Variants in RAB3GAP2 observed in about 807,000 individuals in gnomAD.
RAB3GAP2 encodes rab3 GTPase-activating protein non-catalytic subunit.
RAB3GAP2 carries 87 observed loss-of-function variants against 185.3 expected under a neutral mutation model. The ratio of observed to expected loss-of-function variants is 0.47; its 90% CI spans 0.39 to 0.56. RAB3GAP2 has a LOEUF of 0.56. Ranked by LOEUF, RAB3GAP2 falls within the 20% of genes least tolerant of loss-of-function variation. The probability of loss-of-function intolerance (pLI) is 0.00; values close to 1 mark genes in which losing one functional copy is unlikely to be tolerated. For missense variants in RAB3GAP2, 1,492 were observed against 1,638.2 expected (o/e 0.91, Z 1.54); for synonymous variants, 554 against 576.1 (o/e 0.96, Z 0.55).
At chr1:220,260,619 C>G (rs1285446307) in intron 1 of RAB3GAP2, among the ~76,000 whole-genome samples, 3 of 151,928 alleles carry the variant, frequency 2.0e-5, no homozygotes, top group Non-Finnish European at 4.4e-5. Flanking sequence ...GGGAGAACAT[C>G]AGGAAGAATA....
At chr1:220,174,347 A>T (rs1419351857) in intron 21 of RAB3GAP2, among the ~76,000 whole-genome samples, 1 of 152,062 alleles carries the variant, frequency 6.6e-6, no homozygotes, top group Non-Finnish European at 1.5e-5. Context: ...GCCTCCTCAT[A>T]CCAGCTCCCT....
chr1:220,163,740 C>CATATATATATAT (rs1274317823), intron 27 of RAB3GAP2, among the ~76,000 whole-genome samples: 63 of 90,102 alleles, frequency 7.0e-4, no homozygotes, highest in South Asian at 8.1e-4. Flanking sequence ...TATATAAATA[C>CATATATATATAT]ATACATATAT....
chr1:220,267,618 T>C lies in RAB3GAP2; in HGVS notation c.115+4605A>G, dbSNP rs897939214. 1.9e-5 allele frequency: 26 copies of C among 1,388,848 alleles called. No individual in the cohort carries two copies. In the Admixed American group the frequency reaches 4.4e-4, roughly 23 times the overall value. The allele number at this position is 1,388,848 out of a possible 1,614,324, so 86.0% of individuals were successfully genotyped here. ...ATTTTCAGGTGCCGACAGCGGGGAC[T>C]GCTTGCTGTTTTGGGTGTTATTCAG... is the stretch of plus-strand genomic sequence containing the variant. On this transcript the variant is annotated intron_variant, in intron 1 of 34. Transcript: ENST00000358951.
At chr1:220,190,043 T>C (rs750682187) in intron 16 of RAB3GAP2, 21 bp downstream of exon 16, 19 of 1,542,364 alleles carry the variant, frequency 1.2e-5, no homozygotes, top group Non-Finnish European at 1.6e-5. Flanking sequence ...TGCTTTATTA[T>C]TTGTATGAGA....
chr1:220,212,685 G>A (rs1440171656), intron 4 of RAB3GAP2, among the ~76,000 whole-genome samples: 1 of 152,098 alleles, frequency 6.6e-6, no homozygotes, highest in Non-Finnish European at 1.5e-5. Context: ...TAAAGACAGA[G>A]TCTTACTATG....
intron 1 of RAB3GAP2, among the ~76,000 whole-genome samples, chr1:220,234,880 T>C (rs1345559980): frequency 3.3e-5 from 5 of 152,246 alleles, no homozygotes. Flanking sequence ...GCAATGTATA[T>C]GACGACTAAC....
At chr1:220,239,232 T>G (rs993733632) in intron 1 of RAB3GAP2, among the ~76,000 whole-genome samples, 1 of 152,196 alleles carries the variant, frequency 6.6e-6, no homozygotes, top group Non-Finnish European at 1.5e-5. Flanking sequence ...AACTTTTTTT[T>G]TGTGGGGCTC....
intron 27 of RAB3GAP2, among the ~76,000 whole-genome samples, chr1:220,163,783 T>C (rs1398652634): frequency 7.8e-6 from 1 of 128,394 alleles, no homozygotes; most frequent in Non-Finnish European, 1.6e-5. Context: ...AGGATGAAGG[T>C]AAGATCTAAG....
intron 1 of RAB3GAP2, among the ~76,000 whole-genome samples, chr1:220,243,213 G>A (rs1414266707): frequency 1.3e-5 from 2 of 152,022 alleles, no homozygotes; most frequent in Non-Finnish European, 2.9e-5. Context: ...AATTAGCCGG[G>A]TGTGGTGGCA....
chr1:220,210,354 A>T, intron 7 of RAB3GAP2, 34 bp downstream of exon 7: 1 of 1,471,752 alleles, frequency 6.8e-7, no homozygotes, highest in Non-Finnish European at 9.5e-7. Flanking sequence ...AAATAATGCC[A>T]CTGTTACTGT....
At chr1:220,266,367 G>A in intron 1 of RAB3GAP2, 1 of 411,734 alleles carries the variant, frequency 2.4e-6, no homozygotes. Context: ...AGCACAAAGT[G>A]GTCACTTTCC....
intron 7 of RAB3GAP2, among the ~76,000 whole-genome samples, chr1:220,209,328 T>C (rs969928788): frequency 1.3e-5 from 2 of 152,224 alleles, no homozygotes; most frequent in Non-Finnish European, 2.9e-5. Flanking sequence ...TAAGTTTCTT[T>C]GTTGTTGCAT....
intron 2 of RAB3GAP2, among the ~76,000 whole-genome samples, chr1:220,215,878 TA>T (rs1165842959): frequency 6.6e-6 from 1 of 152,070 alleles, no homozygotes; most frequent in Non-Finnish European, 1.5e-5. Flanking sequence ...TTTCCTTTTA[TA>T]AAAAAATTAT....
chr1:220,200,669 C>T (rs1428314489), intron 9 of RAB3GAP2: 1 of 509,146 alleles, frequency 2.0e-6, no homozygotes, highest in Admixed American at 2.1e-5. Flanking sequence ...GAACTTAACA[C>T]TTTGGAATTT....
At chr1:220,272,198 A>G (rs1258733280) in intron 1 of RAB3GAP2, 25 bp downstream of exon 1, 2 of 1,564,802 alleles carry the variant, frequency 1.3e-6, no homozygotes, top group Non-Finnish European at 1.7e-6. Flanking sequence ...GAGGGAAGGA[A>G]GGGCGAGGCC....
chr1:220,154,197 A>C, intron 31 of RAB3GAP2, 140 bp from the exon 32 acceptor site: 2 of 1,254,556 alleles, frequency 1.6e-6, no homozygotes, highest in Non-Finnish European at 2.1e-6. Context: ...AATAATTTTT[A>C]TAACAATTAT....
At chr1:220,232,406 C>T (rs1472677266) in intron 2 of RAB3GAP2, among the ~76,000 whole-genome samples, 2 of 152,028 alleles carry the variant, frequency 1.3e-5, no homozygotes, top group Admixed American at 1.3e-4. Context: ...GAGTATTGGC[C>T]CATGTTTTCT....
chr1:220,222,801 C>A (rs1361872142), intron 2 of RAB3GAP2, among the ~76,000 whole-genome samples: 2 of 152,210 alleles, frequency 1.3e-5, no homozygotes, highest in East Asian at 1.9e-4. Flanking sequence ...CCCCCAAAAA[C>A]CCCTTTATTT....
rs368216093 is a variant in RAB3GAP2 at position 220,171,928 on chromosome 1, A to C, written c.2538T>G (p.Ser846=). ...AALLSAHVGH[S]VAAQISNNMT... ...TGTTGTTTGATATCTGTGCAGCAAC[A>C]GAATGCCCAACATGCGCAGACAACA... Residue 846 remains serine (S), a synonymous_variant, in exon 23 of 35, where the codon TCT becomes TCG. Transcript: ENST00000358951. 1.1e-5 allele frequency: 17 copies of C among 1,614,112 alleles called. No homozygotes were observed. Among genetic ancestry groups the C allele is most frequent in the Non-Finnish European group, 1.4e-5 (17 of 1,180,036 alleles).
Sources: allele counts gnomAD v4.1 joint callset (sites outside exome capture counted in the v4.1 genomes callset), GRCh38; gene constraint gnomAD v4.1.1; transcripts MANE v1.5; gene names NCBI Gene and HGNC (gene_info 2026-07-23, HGNC 2026-07-21).